The following WNT3A variants were observed in gnomAD, a reference collection of about 807,000 sequenced individuals.
WNT3A encodes the protein protein Wnt-3a.
In WNT3A, 17 loss-of-function variants were observed where a neutral mutation model predicts 37.0. The ratio of observed to expected loss-of-function variants is 0.46; its 90% confidence interval spans 0.31 to 0.69. The LOEUF is 0.69. Ranked by LOEUF, WNT3A falls within the 30% of genes least tolerant of loss-of-function variation. The probability of loss-of-function intolerance (pLI) is 0.05; values close to 1 mark genes in which losing one functional copy is unlikely to be tolerated. For synonymous variants in WNT3A, 187 were observed against 211.0 expected, an observed-to-expected ratio of 0.89 and a Z score of 0.99; for missense variants, 411 against 510.2, an observed-to-expected ratio of 0.81 and a Z score of 1.87.
intron 1 of WNT3A, among the ~76,000 whole-genome samples, chr1:228,013,908 G>A (rs1428188953): frequency 6.6e-6 from 1 of 152,222 alleles, no homozygotes; most frequent in Non-Finnish European, 1.5e-5. Context: ...GGAACAGGAT[G>A]TTTGCTCCAG....
Position 228,037,019 on chromosome 1 carries a change from C to T in WNT3A, c.314-13637C>T, listed in dbSNP as rs976471116. The stretch of plus-strand genomic sequence containing the variant: ...TAACATGGGCTGGGCCCAGGAGTCC[C>T]CCCGGGCCCTGGCACCTGCCAGATA... On this transcript the variant is annotated intron_variant, in intron 2 of 3. Transcript: ENST00000284523. This position sits in a 1 kb window ranked among gnomAD's most constrained non-coding sequence, Gnocchi z 4.1. 2.0e-5 allele frequency among the ~76,000 whole-genome samples: 3 copies of T among 152,146 alleles called. No homozygotes were observed.
chr1:228,056,151 C>A (rs1420601021), intron 3 of WNT3A, among the ~76,000 whole-genome samples: 1 of 152,186 alleles, frequency 6.6e-6, no homozygotes, highest in Non-Finnish European at 1.5e-5. Context: ...TAGAGAGGAC[C>A]AAAGTTGACA....
At chr1:228,041,941 G>C (rs918167095) in intron 2 of WNT3A, among the ~76,000 whole-genome samples, 1 of 152,152 alleles carries the variant, frequency 6.6e-6, no homozygotes, top group Non-Finnish European at 1.5e-5. Context: ...AGCCTAGGTT[G>C]TTAGAAATTG....
In WNT3A at chr1:228,007,561, G is replaced by A. The variant is rs2030235734; in HGVS notation, c.71+362G>A. Reference sequence around the variant, plus strand: ...CAGCTCGAGGCCAGGGGACAGGCGAGGGAAGAGGGCCAGCGAGAGAGAATT... The same window carrying A: ...CAGCTCGAGGCCAGGGGACAGGCGAAGGAAGAGGGCCAGCGAGAGAGAATT... On this transcript the variant is annotated intron_variant, in intron 1 of 3. Coordinates refer to ENST00000284523, the MANE Select transcript of WNT3A (RefSeq NM_033131.4). The surrounding 1 kb of genome is among the most constrained non-coding windows in gnomAD (Gnocchi z 6.0). Among the ~76,000 whole-genome samples, 1 of 152,216 alleles carries A rather than the reference G, an allele frequency of 6.6e-6. No individual in the cohort carries two copies. Among genetic ancestry groups the A allele is most frequent in the Admixed American group, 6.5e-5 (1 of 15,290 alleles).
intron 2 of WNT3A, among the ~76,000 whole-genome samples, chr1:228,025,306 G>C (rs1437428186): frequency 6.6e-6 from 1 of 152,014 alleles, no homozygotes; most frequent in Admixed American, 6.6e-5. Context: ...AGGAGCTCAG[G>C]GTCTTTCCAT....
rs1255579713 is a variant in WNT3A, at chr1:228,007,097, A to G, written c.-32A>G. 2.0e-6 allele frequency: 3 copies of G among 1,495,314 alleles called. No individual in the cohort carries two copies. The highest frequency in any genetic ancestry group is 2.7e-6 in the Non-Finnish European group (3 of 1,118,404). 92.6% of individuals were successfully genotyped at this position (1,495,314 alleles called of 1,614,324 possible). On this transcript the variant is annotated 5_prime_UTR_variant, in exon 1 of 4. Coordinates refer to ENST00000284523, the MANE Select transcript of WNT3A (RefSeq NM_033131.4). The surrounding 1 kb of genome is among the most constrained non-coding windows in gnomAD (Gnocchi z 6.0). Reference sequence around the variant, plus strand: ...CCCGGCGCTCACGCTCTCGGGGCGGACTCCCGGCCCTCCGCGCCCTCTCGC... The same window carrying G: ...CCCGGCGCTCACGCTCTCGGGGCGGGCTCCCGGCCCTCCGCGCCCTCTCGC...
intron 1 of WNT3A, among the ~76,000 whole-genome samples, chr1:228,020,117 G>A (rs542247660): frequency 2.6e-5 from 4 of 152,348 alleles, no homozygotes; most frequent in East Asian, 1.9e-4. Context: ...TCAGCTACTC[G>A]GGAGGGTGAG....
rs780576483 is a variant in WNT3A at position 228,007,128 on chromosome 1, G to A, written c.-1G>A. On this transcript the variant is annotated 5_prime_UTR_variant, in exon 1 of 4. Transcript: ENST00000284523. The surrounding 1 kb of genome is among the most constrained non-coding windows in gnomAD (Gnocchi z 6.0). ...GGCCCTCCGCGCCCTCTCGCGCGGCGATGGCCCCACTCGGATACTTCTTAC... is the reference window on the plus strand; with the variant it reads ...GGCCCTCCGCGCCCTCTCGCGCGGCAATGGCCCCACTCGGATACTTCTTAC... The A allele has an allele frequency of 1.1e-5, 18 of 1,577,858 alleles. No homozygotes were observed. Among genetic ancestry groups the A allele is most frequent in the Non-Finnish European group, 1.4e-5 (16 of 1,163,944 alleles).
Position 228,007,510 on chromosome 1 carries a change from G to C in WNT3A, c.71+311G>C, listed in dbSNP as rs538696615. On this transcript the variant is annotated intron_variant, in intron 1 of 3. Coordinates refer to ENST00000284523, the MANE Select transcript of WNT3A (RefSeq NM_033131.4). The surrounding 1 kb of genome is among the most constrained non-coding windows in gnomAD (Gnocchi z 6.0). ...CTGGGGAGAGGCTGAAAGAAGGTCGGCACGCACGGTCACCGAGGGGACAGG... is the reference window on the plus strand; with the variant it reads ...CTGGGGAGAGGCTGAAAGAAGGTCGCCACGCACGGTCACCGAGGGGACAGG... 6.6e-6 allele frequency among the ~76,000 whole-genome samples: 1 copy of C among 152,278 alleles called. No individual in the cohort carries two copies. The highest frequency in any genetic ancestry group is 1.9e-4 in the East Asian group (1 of 5,174).
At position 228,039,428 on chromosome 1, in the gene WNT3A, T is replaced by C. The variant is rs1456525915; in HGVS notation, c.314-11228T>C. ...GGCCAGAGACCCAATGACCACTGTC[T>C]ACTCATGGGGGGATGGCCATCAGCA... On this transcript the variant is annotated intron_variant, in intron 2 of 3. Transcript: ENST00000284523. The surrounding 1 kb of genome is among the most constrained non-coding windows in gnomAD (Gnocchi z 4.1). Among the ~76,000 whole-genome samples, 1 of 152,138 alleles carries C rather than the reference T, an allele frequency of 6.6e-6. No individual in the cohort carries two copies. Among genetic ancestry groups the C allele is most frequent in the Non-Finnish European group, 1.5e-5 (1 of 68,026 alleles).
Position 228,038,254 on chromosome 1 carries a change from G to T in WNT3A, c.314-12402G>T, listed in dbSNP as rs1450686585. 6.6e-6 allele frequency among the ~76,000 whole-genome samples: 1 copy of T among 152,036 alleles called. No individual in the cohort carries two copies. The highest frequency in any genetic ancestry group is 6.5e-5 in the Admixed American group (1 of 15,274). On this transcript the variant is annotated intron_variant, in intron 2 of 3. Coordinates refer to ENST00000284523, the MANE Select transcript of WNT3A (RefSeq NM_033131.4). The surrounding 1 kb of genome is among the most constrained non-coding windows in gnomAD (Gnocchi z 5.7). ...GAATGAGGGAAGGTGGGCAGCCCCC[G>T]AGGGGAGGCGCCCGGGCGTCGGCTC...
chr1:228,058,226 G>A (rs1330603167), intron 3 of WNT3A, among the ~76,000 whole-genome samples: 1 of 152,082 alleles, frequency 6.6e-6, no homozygotes, highest in African/African-American at 2.4e-5. Context: ...ACTAAGTCTT[G>A]GGAATCCAGC....
rs2031544045 is a variant in WNT3A at position 228,051,060 on chromosome 1, G to T, written c.579+139G>T. Reference sequence around the variant, plus strand: ...GGTCTTCTCGACCCCTGCCTGGGGTGTGCGAAGCTTAGCACCATCCAGCTA... The same window carrying T: ...GGTCTTCTCGACCCCTGCCTGGGGTTTGCGAAGCTTAGCACCATCCAGCTA... On this transcript the variant is annotated intron_variant, in intron 3 of 3. Transcript: ENST00000284523. 7 of 1,164,672 alleles carry T rather than the reference G, an allele frequency of 6.0e-6. No homozygotes were observed. The Admixed American group carries it at 9.2e-5, about 15-fold the overall frequency. The allele number at this position is 1,164,672 out of a possible 1,614,324, so 72.1% of individuals were successfully genotyped here. A position where few individuals can be genotyped will look rare whatever the true frequency, so the allele number is the denominator to read the frequency against.
At chr1:228,020,233 A>G (rs545259203) in intron 1 of WNT3A, among the ~76,000 whole-genome samples, 58 of 152,214 alleles carry the variant, frequency 3.8e-4, no homozygotes, top group Non-Finnish European at 7.5e-4. Context: ...AAAACAAACA[A>G]AAAAGGAAGC....
rs572706882 is a variant in WNT3A, at chr1:228,022,510, C to A, written c.72-157C>A. The stretch of plus-strand genomic sequence containing the variant: ...TTAATTGGGCTTTTAAGTAAAAATT[C>A]TCTTACTTGCAAAATAAAAAATCAG... On this transcript the variant is annotated intron_variant, in intron 1 of 3. Transcript: ENST00000284523. 1.8e-4 allele frequency among the ~76,000 whole-genome samples: 28 copies of A among 152,316 alleles called. No individual in the cohort carries two copies. The South Asian group carries it at 3.9e-3, about 21-fold the overall frequency.
At chr1:228,021,524 C>T (rs2030707090) in intron 1 of WNT3A, among the ~76,000 whole-genome samples, 1 of 152,116 alleles carries the variant, frequency 6.6e-6, no homozygotes, top group Non-Finnish European at 1.5e-5. Context: ...CCCATGCCTT[C>T]GGGTTTCTGA....
chr1:228,039,011 G>T lies in WNT3A; in HGVS notation c.314-11645G>T, dbSNP rs2031210938. Among the ~76,000 whole-genome samples the T allele has an allele frequency of 6.6e-6, 1 of 152,152 alleles. No homozygotes were observed. Among genetic ancestry groups the T allele is most frequent in the Admixed American group, 6.5e-5 (1 of 15,282 alleles). On this transcript the variant is annotated intron_variant, in intron 2 of 3. Transcript: ENST00000284523. The surrounding 1 kb of genome is among the most constrained non-coding windows in gnomAD (Gnocchi z 4.1). ...TTCTCCTGGGCAGTGGGCAATGTTG[G>T]GAGTCTGGGCCCCCAGCACCCGGCT...
At chr1:228,036,282 G>A (rs1177965730) in intron 2 of WNT3A, among the ~76,000 whole-genome samples, 1 of 152,208 alleles carries the variant, frequency 6.6e-6, no homozygotes, top group African/African-American at 2.4e-5. Context: ...GCACATGTGA[G>A]TGTACACCCT....
chr1:228,017,440 C>T (rs1477754452), intron 1 of WNT3A, among the ~76,000 whole-genome samples: 3 of 152,146 alleles, frequency 2.0e-5, no homozygotes, highest in Non-Finnish European at 2.9e-5. Context: ...TGGCCAGGCG[C>T]GGTGGCTCAC....
Sources: gnomAD v4.1 joint callset for allele counts (sites outside exome capture counted in the v4.1 genomes callset) on GRCh38, gnomAD v4.1.1 for gene constraint, Gnocchi (gnomAD v3.1) non-coding constraint, MANE v1.5 for transcripts, NCBI Gene and HGNC (gene_info 2026-07-23, HGNC 2026-07-21) for gene names.